The following PAIP1 variants were observed in gnomAD, a reference collection of about 807,000 sequenced individuals.
PAIP1 encodes poly(A) binding protein interacting protein 1.
PAIP1 carries 16 observed loss-of-function variants against 61.3 expected under a neutral mutation model. That is an observed-to-expected ratio of 0.26 (90% CI 0.18 to 0.40). PAIP1 has a LOEUF of 0.40. Ranked by LOEUF, PAIP1 falls within the 10% of genes least tolerant of loss-of-function variation. The pLI, the probability that PAIP1 is intolerant of heterozygous loss-of-function variation, is 1.00. For synonymous variants in PAIP1, 187 were observed against 226.2 expected (o/e 0.83, Z 1.56); for missense variants, 416 against 600.9 (o/e 0.69, Z 3.22).
intron 4 of PAIP1, 69 bp downstream of exon 4, chr5:43,542,935 G>T: frequency 2.4e-6 from 2 of 824,600 alleles, no homozygotes; most frequent in Non-Finnish European, 2.1e-6. Flanking sequence ...TATAATATAT[G>T]GTCTGAGGAA....
chr5:43,530,621 C>G (rs1003540965), intron 9 of PAIP1, among the ~76,000 whole-genome samples: 2 of 152,094 alleles, frequency 1.3e-5, no homozygotes, highest in South Asian at 4.2e-4. Context: ...TGTATAAAAC[C>G]GTAACTCCAG....
chr5:43,554,541 A>G (rs1747990503), intron 2 of PAIP1, among the ~76,000 whole-genome samples: 1 of 152,200 alleles, frequency 6.6e-6, no homozygotes, highest in Admixed American at 6.5e-5. Context: ...CATGGAACAC[A>G]GCTTTTTCCA....
chr5:43,542,090 C>T (rs1561233385), intron 4 of PAIP1, among the ~76,000 whole-genome samples: 1 of 151,030 alleles, frequency 6.6e-6, no homozygotes, highest in Non-Finnish European at 1.5e-5. Context: ...GCACGAGAAT[C>T]GCTTGAGCCT....
At position 43,545,477 on chromosome 5, in the gene PAIP1, T is replaced by A. The variant is rs367900818; in HGVS notation, c.621+2251A>T. Reference sequence around the variant, plus strand: ...GTTCAGTGTAAAAAGATCTGGATGGTCTAACTTTTTAGATTCTCAAGCAAT... The same window carrying A: ...GTTCAGTGTAAAAAGATCTGGATGGACTAACTTTTTAGATTCTCAAGCAAT... On this transcript the variant is annotated intron_variant, in intron 3 of 10. Transcript: ENST00000306846. Among the ~76,000 whole-genome samples the A allele has an allele frequency of 7.7e-4, 117 of 152,296 alleles. 1 individual carries two copies. The highest frequency in any genetic ancestry group is 2.7e-3 in the African/African-American group (111 of 41,558).
chr5:43,532,809 CA>C (rs1177234922), intron 9 of PAIP1, among the ~76,000 whole-genome samples: 4 of 152,248 alleles, frequency 2.6e-5, no homozygotes, highest in Middle Eastern at 3.4e-3. Context: ...AGAGTATTAG[CA>C]GGCAATTCTC....
In PAIP1 at chr5:43,556,611, TG is replaced by T. The variant is rs1461438146; in HGVS notation, c.235del (p.Gln79SerfsTer16). The T allele has an allele frequency of 2.4e-6, 3 of 1,255,572 alleles. No individual in the cohort carries two copies. The highest frequency in any genetic ancestry group is 3.1e-5 in the East Asian group (1 of 31,792). The allele number at this position is 1,255,572 out of a possible 1,614,324, so 77.8% of individuals were successfully genotyped here. ...GAQCEVPASPQRPSRPGALPE... is the reference protein window; with the variant it reads ...GAQCEVPASPXRPSRPGALPE... ...GAGCGCCCCGGGCCGGGAAGGCCGCTGGGGGCTGGCGGGGACCTCGCACTGG... is the reference window on the plus strand; with the variant it reads ...GAGCGCCCCGGGCCGGGAAGGCCGCTGGGGCTGGCGGGGACCTCGCACTGG... On this transcript the variant is annotated frameshift_variant, in exon 1 of 11. Coordinates refer to ENST00000306846, the MANE Select transcript of PAIP1 (RefSeq NM_006451.5). LOFTEE classifies it high-confidence loss of function.
chr5:43,527,495 G>A, intron 10 of PAIP1, 26 bp from the exon 11 acceptor site: 1 of 1,568,468 alleles, frequency 6.4e-7, no homozygotes, highest in Non-Finnish European at 8.6e-7. Context: ...TGATTCATAA[G>A]TGTAAGGTTT....
At chr5:43,532,778 A>T (rs1013645303) in intron 9 of PAIP1, among the ~76,000 whole-genome samples, 1 of 152,238 alleles carries the variant, frequency 6.6e-6, no homozygotes, top group African/African-American at 2.4e-5. Flanking sequence ...CAGACAAATG[A>T]TCCAACAGAA....
chr5:43,533,097 CTT>C (rs1015172674), intron 9 of PAIP1, among the ~76,000 whole-genome samples: 2 of 152,164 alleles, frequency 1.3e-5, no homozygotes, highest in African/African-American at 4.8e-5. Context: ...CCTAAAAAAA[CTT>C]CTCTGTGCTA....
intron 2 of PAIP1, among the ~76,000 whole-genome samples, chr5:43,550,837 C>CCA (rs1747833307): frequency 2.0e-5 from 1 of 49,556 alleles, no homozygotes; most frequent in Non-Finnish European, 3.3e-5. Flanking sequence ...AAATATACTA[C>CCA]AAAAAAAAAA....
chr5:43,543,911 G>A (rs1023755064), intron 3 of PAIP1, among the ~76,000 whole-genome samples: 5 of 152,070 alleles, frequency 3.3e-5, no homozygotes, highest in African/African-American at 1.2e-4. Context: ...GAAGGCCAAG[G>A]CCAGAGGATC....
chr5:43,533,770 G>A lies in PAIP1; in HGVS notation c.1220C>T (p.Ser407Phe), dbSNP rs1179671189. The A allele has an allele frequency of 6.3e-7, 1 of 1,583,490 alleles. No individual in the cohort carries two copies. Among genetic ancestry groups the A allele is most frequent in the South Asian group, 1.1e-5 (1 of 90,422 alleles). Reference protein sequence around the residue: ...YFMNEPTFYTSDGVPFTAADP... With the variant: ...YFMNEPTFYTFDGVPFTAADP... The stretch of plus-strand genomic sequence containing the variant: ...AGCTGCAGTGAAAGGAACACCATCA[G>A]ATGTATAAAATGTTGGTTCATTCTA... The change falls in exon 9 of 11, where the codon TCT (serine) becomes TTT (phenylalanine). Residue 407 changes from serine (S) to phenylalanine (F), a missense_variant. Ser to Phe is a radical substitution (Grantham distance 155). Around this residue, in one of 4 missense-constraint regions of PAIP1, gnomAD observed 135 missense variants for 283.9 expected, o/e 0.48. Coordinates refer to ENST00000306846, the MANE Select transcript of PAIP1 (RefSeq NM_006451.5).
At chr5:43,529,977 C>T in intron 9 of PAIP1, 98 bp from the exon 10 acceptor site, 1 of 669,730 alleles carries the variant, frequency 1.5e-6, no homozygotes, top group Non-Finnish European at 2.7e-6. Flanking sequence ...ACTTTTGCCC[C>T]CCTGCATGCT....
Position 43,527,289 on chromosome 5 carries a change from T to C in PAIP1, c.*87A>G, listed in dbSNP as rs1746745261. The C allele has an allele frequency of 1.6e-6, 1 of 634,178 alleles. No homozygotes were observed. Among genetic ancestry groups the C allele is most frequent in the South Asian group, 2.5e-5 (1 of 40,080 alleles). The allele number at this position is 634,178 out of a possible 1,614,324, so 39.3% of individuals were successfully genotyped here. ...ATAACTCAACATCCTTAATTTGGTA[T>C]AGATGTGACATTTTCTTGCTCTCTT... is the stretch of plus-strand genomic sequence containing the variant. On this transcript the variant is annotated 3_prime_UTR_variant, in exon 11 of 11. Coordinates refer to ENST00000306846, the MANE Select transcript of PAIP1 (RefSeq NM_006451.5).
chr5:43,538,973 C>A lies in PAIP1; in HGVS notation c.797G>T (p.Arg266Leu), dbSNP rs377433433. 6 of 1,611,598 alleles carry A rather than the reference C, an allele frequency of 3.7e-6. No homozygotes were observed. Among genetic ancestry groups the A allele is most frequent in the Non-Finnish European group, 5.1e-6 (6 of 1,178,980 alleles). The part of the protein sequence containing the change: ...AAKGDEVTRK[R>L]FHAFVLFLGE... Reference sequence around the variant, plus strand: ...CAGAAAGAGTACAAATGCATGAAATCGTTTTCGAGTAACTTCATCCCCTTT... The same window carrying A: ...CAGAAAGAGTACAAATGCATGAAATAGTTTTCGAGTAACTTCATCCCCTTT... The change falls in exon 5 of 11, where the codon CGA becomes CTA. Residue 266 changes from arginine to leucine, a missense_variant. Arg to Leu is a moderately radical substitution (Grantham distance 102). Around this residue, in one of 4 missense-constraint regions of PAIP1, gnomAD observed 135 missense variants for 283.9 expected, o/e 0.48. Coordinates refer to ENST00000306846, the MANE Select transcript of PAIP1 (RefSeq NM_006451.5).
chr5:43,538,927 C>T lies in PAIP1; in HGVS notation c.843G>A (p.Leu281=), dbSNP rs1399523109. The T allele has an allele frequency of 1.3e-6, 2 of 1,566,564 alleles. No individual in the cohort carries two copies. Among genetic ancestry groups the T allele is most frequent in the East Asian group, 2.2e-5 (1 of 44,682 alleles). The change falls in exon 5 of 11, where the codon CTG becomes CTA. Residue 281 remains leucine (L), a synonymous_variant. Coordinates refer to ENST00000306846, the MANE Select transcript of PAIP1 (RefSeq NM_006451.5). The part of the protein sequence containing the change: ...VLFLGELYLN[L]EIKGTNGQVT... Reference sequence around the variant, plus strand: ...TAACAAAAGAAAAACTTCTCACCTCCAGGTTAAGATAAAGTTCTCCCAGAA... The same window carrying T: ...TAACAAAAGAAAAACTTCTCACCTCTAGGTTAAGATAAAGTTCTCCCAGAA...
intron 4 of PAIP1, 150 bp downstream of exon 4, chr5:43,542,854 G>A: frequency 7.1e-6 from 3 of 423,850 alleles, no homozygotes; most frequent in Middle Eastern, 1.3e-3. Context: ...AAAAAGACTG[G>A]TATACTGAAC....
rs1561228142 is a variant in PAIP1 at position 43,531,655 on chromosome 5, T to TTAAAAAAA, written c.1253-1777_1253-1776insTTTTTTTA. ...CTGGGTAACAGAGTGAGACTCTGTC[T>TTAAAAAAA]CAAAAAAAAAAAAAAAAAAAAAGAG... On this transcript the variant is annotated intron_variant, in intron 9 of 10. Coordinates refer to ENST00000306846, the MANE Select transcript of PAIP1 (RefSeq NM_006451.5). Among the ~76,000 whole-genome samples, 6 of 7,950 alleles carry TTAAAAAAA rather than the reference T, an allele frequency of 7.5e-4. No individual in the cohort carries two copies. In the East Asian group the frequency reaches 0.016, roughly 21 times the overall value. The allele number at this position is 7,950 out of a possible 152,430, so 5.2% of individuals were successfully genotyped here. A position where few individuals can be genotyped will look rare whatever the true frequency, so the allele number is the denominator to read the frequency against.
Position 43,551,879 on chromosome 5 carries a change from A to C in PAIP1, c.435+3951T>G, listed in dbSNP as rs897932657. On this transcript the variant is annotated intron_variant, in intron 2 of 10. Coordinates refer to ENST00000306846, the MANE Select transcript of PAIP1 (RefSeq NM_006451.5). ...CCAGAGCCTGCCATTTTAAGCAAAA[A>C]AAGGAGGCATAGAGTATTTGGAACA... 1.1e-4 allele frequency among the ~76,000 whole-genome samples: 17 copies of C among 152,150 alleles called. 1 individual carries two copies. The highest frequency in any genetic ancestry group is 1.5e-4 in the Non-Finnish European group (10 of 68,020).
Sources: gnomAD v4.1 joint callset for allele counts (sites outside exome capture counted in the v4.1 genomes callset) on GRCh38, gnomAD v4.1.1 for gene constraint, gnomAD v4.1.1 regional missense constraint, MANE v1.5 for transcripts, NCBI Gene and HGNC (gene_info 2026-07-23, HGNC 2026-07-21) for gene names.